LOC112694756: variants seen among roughly 807,000 people sequenced by gnomAD.
At chr16:30,067,541 C>G in the LOC112694756 span, 2 of 1,613,878 alleles carry the variant, frequency 1.2e-6, no homozygotes, top group Non-Finnish European at 1.7e-6. Flanking sequence ...CAGCTGACGA[C>G]CGCGTGAACC....
At chr16:30,054,184 G>C in the LOC112694756 span, among the ~76,000 whole-genome samples, 1 of 152,020 alleles carries the variant, frequency 6.6e-6, no homozygotes, top group African/African-American at 2.4e-5. Context: ...GCTGGGCGTC[G>C]TGGCGCGCAC....
the LOC112694756 span, among the ~76,000 whole-genome samples, chr16:30,058,732 T>G: frequency 6.6e-6 from 1 of 151,930 alleles, no homozygotes; most frequent in African/African-American, 2.4e-5. Flanking sequence ...TCCGCCCGCC[T>G]TGGCCTCCCA....
At chr16:30,062,926 T>C in the LOC112694756 span, among the ~76,000 whole-genome samples, 50 of 151,812 alleles carry the variant, frequency 3.3e-4, no homozygotes, top group African/African-American at 1.2e-3. Flanking sequence ...GTGGATCATC[T>C]GAGGCCAGGA....
At chr16:30,068,415 G>A in the LOC112694756 span, 1 of 598,062 alleles carries the variant, frequency 1.7e-6, no homozygotes, top group African/African-American at 1.8e-5. Flanking sequence ...TGCCAGCCCT[G>A]AGATGCAGTT....
At chr16:30,069,705 A>G in the LOC112694756 span, 113 of 1,612,606 alleles carry the variant, frequency 7.0e-5, no homozygotes, top group Non-Finnish European at 9.1e-5. Flanking sequence ...ATCTCTATGC[A>G]GTAGATAAGC....
the LOC112694756 span, chr16:30,066,299 C>CT: frequency 1.3e-5 from 2 of 152,528 alleles, no homozygotes; most frequent in African/African-American, 4.8e-5. Context: ...AGCTTGGTTT[C>CT]TGTCCTGGGA....
At chr16:30,056,521 T>C in the LOC112694756 span, among the ~76,000 whole-genome samples, 1 of 152,314 alleles carries the variant, frequency 6.6e-6, no homozygotes, top group East Asian at 1.9e-4. Flanking sequence ...TACAGTACTA[T>C]CACTGCTGTA....
At chr16:30,060,573 T>G in the LOC112694756 span, among the ~76,000 whole-genome samples, 1 of 152,134 alleles carries the variant, frequency 6.6e-6, no homozygotes, top group African/African-American at 2.4e-5. Flanking sequence ...ATTAGCCAGT[T>G]ATTAATGACA....
the LOC112694756 span, chr16:30,069,443 C>T: frequency 6.2e-7 from 1 of 1,613,926 alleles, no homozygotes; most frequent in Non-Finnish European, 8.5e-7. Context: ...GACCCTGGGG[C>T]TAACCCCTAT....
At chr16:30,067,583 G>A in the LOC112694756 span, 1 of 1,613,962 alleles carries the variant, frequency 6.2e-7, no homozygotes, top group African/African-American at 1.3e-5. Flanking sequence ...TCTTCCATGA[G>A]ACACTCTACC....
the LOC112694756 span, chr16:30,067,864 CAG>C: frequency 9.1e-5 from 60 of 660,810 alleles, 1 homozygote; most frequent in South Asian, 1.0e-3. Flanking sequence ...ATGAAAATCT[CAG>C]AAGCTCAGGG....
chr16:30,062,128 G>A, the LOC112694756 span, among the ~76,000 whole-genome samples: 50 of 151,710 alleles, frequency 3.3e-4, no homozygotes, highest in African/African-American at 1.0e-3. Flanking sequence ...ACTTGAACCC[G>A]GGAGGCAGAG....
chr16:30,057,101 G>T, the LOC112694756 span, among the ~76,000 whole-genome samples: 4 of 151,846 alleles, frequency 2.6e-5, no homozygotes, highest in Non-Finnish European at 4.4e-5. Context: ...GTAGAGACAG[G>T]GTTTCTCCAT....
chr16:30,059,937 C>T, the LOC112694756 span, among the ~76,000 whole-genome samples: 3 of 151,920 alleles, frequency 2.0e-5, no homozygotes, highest in African/African-American at 7.3e-5. Flanking sequence ...CACCGATTCC[C>T]GACAATGGCC....
At chr16:30,064,676 G>C in the LOC112694756 span, 1 of 390,062 alleles carries the variant, frequency 2.6e-6, no homozygotes, top group African/African-American at 2.1e-5. Flanking sequence ...CATTAGAGAA[G>C]ATCGGGGACA....
the LOC112694756 span, chr16:30,069,590 C>T: frequency 1.2e-6 from 2 of 1,614,008 alleles, no homozygotes; most frequent in Non-Finnish European, 1.7e-6. Flanking sequence ...CCAGGCCATG[C>T]TTGCACTCAG....
the LOC112694756 span, among the ~76,000 whole-genome samples, chr16:30,055,820 G>C: frequency 6.6e-6 from 1 of 151,516 alleles, no homozygotes; most frequent in Non-Finnish European, 1.5e-5. Flanking sequence ...TGTTGTTTGA[G>C]ACAGGGTTTC....
chr16:30,059,833 G>C, the LOC112694756 span, among the ~76,000 whole-genome samples: 3 of 151,808 alleles, frequency 2.0e-5, no homozygotes, highest in African/African-American at 7.3e-5. Context: ...AAAGTGCTGC[G>C]ATTACATACA....
At chr16:30,062,849 A>G in the LOC112694756 span, among the ~76,000 whole-genome samples, 1 of 151,854 alleles carries the variant, frequency 6.6e-6, no homozygotes, top group Non-Finnish European at 1.5e-5. Context: ...TCGGAAAAAA[A>G]AAAAAAAAAA....
Sources: allele counts gnomAD v4.1 joint callset (sites outside exome capture counted in the v4.1 genomes callset), GRCh38; gene constraint gnomAD v4.1.1; transcripts MANE v1.5.